The following CHST9 variants were observed in gnomAD, a reference collection of about 807,000 sequenced individuals.
The protein encoded by CHST9 is GalNAc-4-sulfotransferase 2.
Under a neutral mutation model 44.4 loss-of-function variants are expected in CHST9, and 41 were observed. The ratio of observed to expected loss-of-function variants is 0.92; its 90% CI spans 0.72 to 1.20. CHST9 has a LOEUF of 1.20. Ranked by LOEUF, CHST9 falls within the 50% of genes most tolerant of loss-of-function variation. CHST9 has a pLI of 0.00. For missense variants in CHST9, 504 were observed against 516.5 expected, an observed-to-expected ratio of 0.98 and a Z score of 0.23; for synonymous variants, 171 against 178.4, an observed-to-expected ratio of 0.96 and a Z score of 0.33.
chr18:27,003,727 G>T (rs1274341528), intron 4 of CHST9, among the ~76,000 whole-genome samples: 1 of 152,032 alleles, frequency 6.6e-6, no homozygotes, highest in Non-Finnish European at 1.5e-5. Flanking sequence ...AATTAAATTG[G>T]TTTTTGGGTA....
intron 4 of CHST9, among the ~76,000 whole-genome samples, chr18:26,985,799 C>A (rs1182768024): frequency 6.6e-6 from 1 of 152,076 alleles, no homozygotes; most frequent in Non-Finnish European, 1.5e-5. Flanking sequence ...GGGAACAGTG[C>A]CTATTCCTAC....
intron 2 of CHST9, among the ~76,000 whole-genome samples, chr18:27,100,818 T>A (rs186850136): frequency 6.6e-6 from 1 of 152,200 alleles, no homozygotes; most frequent in East Asian, 1.9e-4. Flanking sequence ...GATTTTTAAA[T>A]AATTTCAGAT....
chr18:26,939,423 G>A (rs1016959520), intron 5 of CHST9, among the ~76,000 whole-genome samples: 2 of 152,188 alleles, frequency 1.3e-5, no homozygotes, highest in African/African-American at 4.8e-5. Flanking sequence ...AGATCCCAAG[G>A]CTTTGTATTT....
chr18:27,137,354 GTA>G (rs1379110314), intron 2 of CHST9, among the ~76,000 whole-genome samples: 8 of 115,412 alleles, frequency 6.9e-5, no homozygotes, highest in African/African-American at 6.6e-5. Flanking sequence ...GTGTGTGTGT[GTA>G]TAGAGAGAGA....
At chr18:27,083,183 C>G (rs1044695018) in intron 2 of CHST9, among the ~76,000 whole-genome samples, 17 of 152,244 alleles carry the variant, frequency 1.1e-4, no homozygotes, top group African/African-American at 3.8e-4. Context: ...CTATTTAACT[C>G]ACATTAAGCT....
At chr18:26,966,156 T>G (rs2056461565) in intron 4 of CHST9, among the ~76,000 whole-genome samples, 1 of 152,196 alleles carries the variant, frequency 6.6e-6, no homozygotes, top group Non-Finnish European at 1.5e-5. Context: ...AAAGGGTAAG[T>G]TAGGAAAATC....
chr18:27,010,736 G>A (rs2057073716), intron 4 of CHST9, among the ~76,000 whole-genome samples: 1 of 152,182 alleles, frequency 6.6e-6, no homozygotes, highest in South Asian at 2.1e-4. Context: ...TTTGGCATCA[G>A]CAGAAATGTC....
chr18:27,178,389 C>CG (rs1412805261), intron 1 of CHST9, among the ~76,000 whole-genome samples: 1 of 151,912 alleles, frequency 6.6e-6, no homozygotes, highest in Non-Finnish European at 1.5e-5. Flanking sequence ...AAATATGTAA[C>CG]GTGGACCCTG....
chr18:27,022,726 C>G (rs1448366781), intron 4 of CHST9, among the ~76,000 whole-genome samples: 1 of 152,162 alleles, frequency 6.6e-6, no homozygotes, highest in Admixed American at 6.5e-5. Flanking sequence ...AGAATCAGTT[C>G]AAGCGTGATA....
At chr18:27,163,455 G>A (rs1341388360) in intron 1 of CHST9, among the ~76,000 whole-genome samples, 1 of 152,190 alleles carries the variant, frequency 6.6e-6, no homozygotes, top group African/African-American at 2.4e-5. Context: ...GCTGCAGTGG[G>A]CTCCACCCAG....
In CHST9 at chr18:26,975,649, GTA is replaced by G. The variant is rs36030325; in HGVS notation, c.203-31285_203-31284del. ...CTGAACAGTATTCCAATGTATGTGT[GTA>G]TATATATATATATATATAAATATAT... On this transcript the variant is annotated intron_variant, in intron 4 of 5. Transcript: ENST00000618847. Among the ~76,000 whole-genome samples, 40 of 126,902 alleles carry G rather than the reference GTA, an allele frequency of 3.2e-4. 1 individual carries two copies. Among genetic ancestry groups the G allele is most frequent in the African/African-American group, 3.6e-4 (12 of 33,708 alleles). The allele number at this position is 126,902 out of a possible 152,430, so 83.3% of individuals were successfully genotyped here. A position where few individuals can be genotyped will look rare whatever the true frequency, so the allele number is the denominator to read the frequency against.
Position 27,053,218 on chromosome 18 carries a change from G to GGAAGAAGAAGAATAA in CHST9, c.122-4716_122-4715insTTATTCTTCTTCTTC, listed in dbSNP as rs2057599364. Among the ~76,000 whole-genome samples, 14 of 32,358 alleles carry GGAAGAAGAAGAATAA rather than the reference G, an allele frequency of 4.3e-4. No individual in the cohort carries two copies. In the Admixed American group the frequency reaches 4.9e-3, roughly 11 times the overall value. 21.2% of individuals were successfully genotyped at this position (32,358 alleles called of 152,430 possible). A position where few individuals can be genotyped will look rare whatever the true frequency, so the allele number is the denominator to read the frequency against. On this transcript the variant is annotated intron_variant, in intron 2 of 5. Transcript: ENST00000618847. ...AGAAAGAACAAGAAGAGGAGGAAGAGGAAGAAGAAGAAGAAGAAGAAGAAG... is the reference window on the plus strand; with the variant it reads ...AGAAAGAACAAGAAGAGGAGGAAGAGGAAGAAGAAGAATAAGAAGAAGAAGAAGAAGAAGAAGAAG...
At chr18:27,159,596 G>T (rs1474964503) in intron 1 of CHST9, among the ~76,000 whole-genome samples, 11 of 151,988 alleles carry the variant, frequency 7.2e-5, no homozygotes, top group Non-Finnish European at 1.5e-4. Flanking sequence ...ATGCAGGCTC[G>T]TTTTTGGTTC....
At chr18:26,917,731 G>C (rs542150192) in intron 5 of CHST9, among the ~76,000 whole-genome samples, 1 of 152,118 alleles carries the variant, frequency 6.6e-6, no homozygotes, top group African/African-American at 2.4e-5. Flanking sequence ...GATGTTTTGA[G>C]ATTGAAACTT....
chr18:26,998,183 C>T (rs117757739), intron 4 of CHST9, among the ~76,000 whole-genome samples: 3,322 of 152,222 alleles, frequency 0.022, 57 homozygotes, highest in Non-Finnish European at 0.031. Context: ...TAGCTCTCTC[C>T]GTTGTGCCCT....
intron 2 of CHST9, among the ~76,000 whole-genome samples, chr18:27,078,927 G>A (rs1299281669): frequency 6.6e-6 from 1 of 152,094 alleles, no homozygotes; most frequent in Non-Finnish European, 1.5e-5. Context: ...CATTAATGAG[G>A]TTTACTGTAT....
In CHST9 at chr18:27,067,402, CT is replaced by C. The variant is rs569469660; in HGVS notation, c.122-18900del. On this transcript the variant is annotated intron_variant, in intron 2 of 5. Coordinates refer to ENST00000618847, the MANE Select transcript of CHST9 (RefSeq NM_031422.6). ...TGTGGCAGGAACAACACACTGCTGT[CT>C]GGCATTTTCATTCTCCTTAGAAAAA... 6.0e-5 allele frequency among the ~76,000 whole-genome samples: 9 copies of C among 150,626 alleles called. No individual in the cohort carries two copies. In the South Asian group the frequency reaches 1.9e-3, roughly 32 times the overall value.
chr18:26,925,860 T>C (rs1030575147), intron 5 of CHST9: 2 of 152,208 alleles, frequency 1.3e-5, no homozygotes, highest in Admixed American at 1.3e-4. Flanking sequence ...AAGCAGTTTT[T>C]AGGTAAGTAT....
In CHST9 at chr18:26,913,255, GAAC is replaced by G. The variant is rs1321505327; in HGVS notation, c.*3001_*3003del. 1 of 151,946 alleles carries G rather than the reference GAAC, an allele frequency of 6.6e-6. No homozygotes were observed. Among genetic ancestry groups the G allele is most frequent in the Non-Finnish European group, 1.5e-5 (1 of 67,996 alleles). The allele number at this position is 151,946 out of a possible 1,614,324, so 9.4% of individuals were successfully genotyped here. On this transcript the variant is annotated 3_prime_UTR_variant, in exon 6 of 6. Transcript: ENST00000618847. Reference sequence around the variant, plus strand: ...TGACATACAAGTAGTTCTTGAATTAGAACTACTAATTCCCTAATGATAATAATA... The same window carrying G: ...TGACATACAAGTAGTTCTTGAATTAGTACTAATTCCCTAATGATAATAATA...
Sources: allele counts gnomAD v4.1 joint callset (sites outside exome capture counted in the v4.1 genomes callset), GRCh38; gene constraint gnomAD v4.1.1; transcripts MANE v1.5; gene names NCBI Gene and HGNC (gene_info 2026-07-23, HGNC 2026-07-21).